The following NRG3 variants were observed in gnomAD, a reference collection of about 807,000 sequenced individuals.
NRG3 encodes the protein pro-neuregulin-3, membrane-bound isoform.
A neutral mutation model predicts 66.9 loss-of-function variants in NRG3; 31 were observed. That is an observed-to-expected ratio of 0.46 (90% CI 0.35 to 0.63). The LOEUF is 0.63. Ranked by LOEUF, NRG3 falls within the 20% of genes least tolerant of loss-of-function variation. The pLI is 0.00. For missense variants in NRG3, 910 were observed against 878.9 expected, an observed-to-expected ratio of 1.04 and a Z score of -0.45; for synonymous variants, 393 against 359.4, an observed-to-expected ratio of 1.09 and a Z score of -1.06.
intron 1 of NRG3, among the ~76,000 whole-genome samples, chr10:82,015,355 T>G (rs1020998446): frequency 1.3e-5 from 2 of 152,190 alleles, no homozygotes; most frequent in Non-Finnish European, 2.9e-5. Context: ...CATTCATACT[T>G]CAAAATAGAA....
At chr10:82,088,992 A>ATT (rs397846769) in intron 1 of NRG3, among the ~76,000 whole-genome samples, 3 of 148,138 alleles carry the variant, frequency 2.0e-5, no homozygotes, top group African/African-American at 7.4e-5. Flanking sequence ...AGCAGAGAAG[A>ATT]TTTTTTTTTT....
Position 82,214,642 on chromosome 10 carries a change from T to C in NRG3, c.824-144097T>C, listed in dbSNP as rs1473863577. 3.3e-5 allele frequency among the ~76,000 whole-genome samples: 5 copies of C among 152,060 alleles called. No individual in the cohort carries two copies. In the South Asian group the frequency reaches 1.0e-3, roughly 32 times the overall value. Reference sequence around the variant, plus strand: ...CACACCTGGCTAATTAAAAAAAATTTTTTTTGCACAGAGATGGGGGTCTTG... The same window carrying C: ...CACACCTGGCTAATTAAAAAAAATTCTTTTTGCACAGAGATGGGGGTCTTG... On this transcript the variant is annotated intron_variant, in intron 1 of 8. Coordinates refer to ENST00000372141, the MANE Select transcript of NRG3 (RefSeq NM_001010848.4).
intron 2 of NRG3, among the ~76,000 whole-genome samples, chr10:82,580,410 A>C (rs2046289621): frequency 1.3e-5 from 2 of 151,910 alleles, no homozygotes; most frequent in African/African-American, 4.8e-5. Context: ...ATTATTATTA[A>C]CTGAAGTCCG....
intron 1 of NRG3, among the ~76,000 whole-genome samples, chr10:82,128,982 C>T (rs1172927313): frequency 2.0e-5 from 3 of 151,884 alleles, no homozygotes; most frequent in East Asian, 1.9e-4. Context: ...GGCGTGATAT[C>T]GGCTCACTGC....
intron 2 of NRG3, among the ~76,000 whole-genome samples, chr10:82,581,881 T>G (rs1192271476): frequency 6.6e-6 from 1 of 152,066 alleles, no homozygotes; most frequent in Admixed American, 6.6e-5. Context: ...TGATCTATTT[T>G]GACCCAATTT....
intron 1 of NRG3, among the ~76,000 whole-genome samples, chr10:82,336,453 T>C (rs886501991): frequency 9.2e-5 from 14 of 152,144 alleles, no homozygotes; most frequent in African/African-American, 2.9e-4. Context: ...GGAATTTCTG[T>C]TAAAAATTCC....
At chr10:82,803,543 C>T (rs1047546604) in intron 3 of NRG3, among the ~76,000 whole-genome samples, 2 of 152,100 alleles carry the variant, frequency 1.3e-5, no homozygotes, top group African/African-American at 2.4e-5. Context: ...AATTTTTCAC[C>T]TTAAAGAGTT....
chr10:82,091,941 T>A (rs1040234575), intron 1 of NRG3, among the ~76,000 whole-genome samples: 3 of 152,178 alleles, frequency 2.0e-5, no homozygotes, highest in African/African-American at 7.2e-5. Flanking sequence ...CATCAATATA[T>A]CTTACTTGGA....
At chr10:82,783,787 G>T (rs980077856) in intron 3 of NRG3, among the ~76,000 whole-genome samples, 2 of 152,004 alleles carry the variant, frequency 1.3e-5, no homozygotes, top group Non-Finnish European at 2.9e-5. Flanking sequence ...ACTGCCCAAG[G>T]TAATTTATAG....
At chr10:82,312,158 T>C (rs573827529) in intron 1 of NRG3, among the ~76,000 whole-genome samples, 30 of 152,214 alleles carry the variant, frequency 2.0e-4, no homozygotes, top group Non-Finnish European at 4.3e-4. Flanking sequence ...GGGTATTTTC[T>C]TCTTTATTTT....
chr10:82,765,296 T>A (rs375210246), intron 3 of NRG3, among the ~76,000 whole-genome samples: 31 of 152,074 alleles, frequency 2.0e-4, no homozygotes, highest in African/African-American at 7.5e-4. Flanking sequence ...CAAAATAAAT[T>A]TTAGAGGATT....
At chr10:82,495,088 G>T (rs571389640) in intron 2 of NRG3, among the ~76,000 whole-genome samples, 1 of 151,706 alleles carries the variant, frequency 6.6e-6, no homozygotes, top group Non-Finnish European at 1.5e-5. Context: ...TTACAGGTGC[G>T]GGCCACCACA....
chr10:81,948,204 T>A (rs1355549343), intron 1 of NRG3, among the ~76,000 whole-genome samples: 4 of 152,184 alleles, frequency 2.6e-5, no homozygotes, highest in South Asian at 2.1e-4. Flanking sequence ...CTTATTTTTT[T>A]AAGATGATTT....
chr10:82,296,938 C>T (rs1247339139), intron 1 of NRG3, among the ~76,000 whole-genome samples: 1 of 152,132 alleles, frequency 6.6e-6, no homozygotes, highest in Non-Finnish European at 1.5e-5. Flanking sequence ...TCCCTCCTTT[C>T]CTCCCCTCTT....
intron 1 of NRG3, among the ~76,000 whole-genome samples, chr10:82,029,028 G>A (rs1348280032): frequency 1.3e-5 from 2 of 151,992 alleles, no homozygotes; most frequent in Non-Finnish European, 2.9e-5. Flanking sequence ...GGCCAACATG[G>A]TAAAACCCCG....
At chr10:82,926,214 G>A (rs1468562317) in intron 4 of NRG3, among the ~76,000 whole-genome samples, 2 of 152,212 alleles carry the variant, frequency 1.3e-5, no homozygotes, top group Admixed American at 6.5e-5. Flanking sequence ...TGTAGGCATT[G>A]TATTAGGTAT....
At chr10:82,069,380 C>A (rs1564788375) in intron 1 of NRG3, among the ~76,000 whole-genome samples, 1 of 152,134 alleles carries the variant, frequency 6.6e-6, no homozygotes, top group Admixed American at 6.5e-5. Flanking sequence ...GGTTTCTAGA[C>A]CAGGAAGTTT....
At chr10:82,947,801 T>G (rs73313211) in intron 4 of NRG3, among the ~76,000 whole-genome samples, 13,653 of 152,160 alleles carry the variant, frequency 0.09, 808 homozygotes, top group African/African-American at 0.15. Context: ...GAAGTCATTC[T>G]TATAAATTAA....
At chr10:82,468,616 T>A (rs571349559) in intron 2 of NRG3, among the ~76,000 whole-genome samples, 1 of 152,352 alleles carries the variant, frequency 6.6e-6, no homozygotes, top group Non-Finnish European at 1.5e-5. Flanking sequence ...CCTGACAGAT[T>A]TCTCCTAGGC....
Sources: allele counts gnomAD v4.1 joint callset (sites outside exome capture counted in the v4.1 genomes callset), GRCh38; gene constraint gnomAD v4.1.1; transcripts MANE v1.5; gene names NCBI Gene and HGNC (gene_info 2026-07-23, HGNC 2026-07-21).